ICA1: variants seen among roughly 807,000 people sequenced by gnomAD.
ICA1 encodes the protein islet cell autoantigen 1.
Under a neutral mutation model 71.0 loss-of-function variants are expected in ICA1, and 40 were observed. That is an observed-to-expected ratio of 0.56 (90% CI 0.44 to 0.73). The LOEUF is 0.73. Among genes scored for constraint, ICA1 ranks in the 30% least tolerant of loss-of-function variants. The pLI is 0.00. For missense variants in ICA1, 578 were observed against 576.5 expected, an observed-to-expected ratio of 1.00 and a Z score of -0.03; for synonymous variants, 207 against 209.5, an observed-to-expected ratio of 0.99 and a Z score of 0.10.
chr7:8,193,669 A>G (rs1341204416), intron 6 of ICA1, among the ~76,000 whole-genome samples: 1 of 152,216 alleles, frequency 6.6e-6, no homozygotes, highest in East Asian at 1.9e-4. Context: ...ATTGCGTGAT[A>G]TCATACCGAA....
intron 1 of ICA1, among the ~76,000 whole-genome samples, chr7:8,246,903 C>T (rs767524195): frequency 6.6e-6 from 1 of 152,134 alleles, no homozygotes; most frequent in African/African-American, 2.4e-5. Context: ...TGTGCCACAA[C>T]GCCTGGCTAA....
At chr7:8,229,157 T>C (rs1364884586) in intron 3 of ICA1, among the ~76,000 whole-genome samples, 1 of 152,170 alleles carries the variant, frequency 6.6e-6, no homozygotes, top group African/African-American at 2.4e-5. Flanking sequence ...AACAACTGGA[T>C]AAAGCAAACA....
rs148799961 is a variant in ICA1 at position 8,187,202 on chromosome 7, CT to C, written c.580-28551del. On this transcript the variant is annotated intron_variant, in intron 6 of 13. Coordinates refer to ENST00000402384, the MANE Select transcript of ICA1 (RefSeq NM_001136020.3). ...ATATAGCACCTATTACACACCTATA[CT>C]TTTTTACAAAGTATATATTATATTA... Among the ~76,000 whole-genome samples, 930 of 152,258 alleles carry C rather than the reference CT, an allele frequency of 6.1e-3. 8 individuals carry two copies. Among genetic ancestry groups the C allele is most frequent in the African/African-American group, 0.022 (905 of 41,536 alleles).
chr7:8,257,756 A>T lies in ICA1; in HGVS notation c.-80+4338T>A, dbSNP rs139800492. Among the ~76,000 whole-genome samples, 107 of 152,242 alleles carry T rather than the reference A, an allele frequency of 7.0e-4. 2 individuals are homozygous for T. In the East Asian group the frequency reaches 0.019, roughly 27 times the overall value. Reference sequence around the variant, plus strand: ...TACTAATACCTCCACCACCTCCACAACCATGCAACGAATATTTAGAATCAG... The same window carrying T: ...TACTAATACCTCCACCACCTCCACATCCATGCAACGAATATTTAGAATCAG... On this transcript the variant is annotated intron_variant, in intron 1 of 13. Coordinates refer to ENST00000402384, the MANE Select transcript of ICA1 (RefSeq NM_001136020.3).
At chr7:8,181,852 G>A (rs1029145628) in intron 6 of ICA1, among the ~76,000 whole-genome samples, 1 of 152,134 alleles carries the variant, frequency 6.6e-6, no homozygotes, top group African/African-American at 2.4e-5. Flanking sequence ...CATAAATATA[G>A]TTAAAACTAT....
chr7:8,214,384 T>A (rs1459550833), intron 6 of ICA1, among the ~76,000 whole-genome samples: 1 of 152,228 alleles, frequency 6.6e-6, no homozygotes, highest in Non-Finnish European at 1.5e-5. Context: ...ATATCACACG[T>A]TGTAACTTTG....
intron 6 of ICA1, among the ~76,000 whole-genome samples, chr7:8,194,178 T>C (rs1277519019): frequency 1.3e-5 from 2 of 152,206 alleles, no homozygotes; most frequent in East Asian, 1.9e-4. Flanking sequence ...GAATCCTGTC[T>C]GTTATACACA....
At chr7:8,169,762 T>C (rs1308676373) in intron 6 of ICA1, among the ~76,000 whole-genome samples, 1 of 152,112 alleles carries the variant, frequency 6.6e-6, no homozygotes, top group Non-Finnish European at 1.5e-5. Flanking sequence ...CAGACTAAAT[T>C]TGAAAACATT....
chr7:8,178,519 T>C (rs1584944358), intron 6 of ICA1, among the ~76,000 whole-genome samples: 1 of 151,932 alleles, frequency 6.6e-6, no homozygotes, highest in African/African-American at 2.4e-5. Flanking sequence ...GTGCTTTGGG[T>C]CTGTAGCTTC....
upstream of ICA1, chr7:8,262,538 G>C (rs1408598177): frequency 6.6e-6 from 1 of 152,242 alleles, no homozygotes; most frequent in African/African-American, 2.4e-5. Context: ...TCCCCCGCTC[G>C]GATCCGCCGC....
At chr7:8,208,388 T>C (rs1289993009) in intron 6 of ICA1, among the ~76,000 whole-genome samples, 1 of 146,342 alleles carries the variant, frequency 6.8e-6, no homozygotes, top group East Asian at 2.0e-4. Context: ...ATTTTGTATA[T>C]GTAAGTAAAT....
intron 12 of ICA1, among the ~76,000 whole-genome samples, chr7:8,131,615 C>G (rs1169092489): frequency 6.6e-6 from 1 of 152,196 alleles, no homozygotes; most frequent in Non-Finnish European, 1.5e-5. Context: ...ATGAAACTGG[C>G]ACTGACTTGA....
In ICA1 at chr7:8,165,585, T is replaced by C. The variant is rs1004858138; in HGVS notation, c.580-6933A>G. On this transcript the variant is annotated intron_variant, in intron 6 of 13. Transcript: ENST00000402384. ...AATAGGAAGAGAGGAAGTCAAGCTA[T>C]CCCTGTTTGCAGATAATAATACTCT... Among the ~76,000 whole-genome samples the C allele has an allele frequency of 2.6e-5, 4 of 152,180 alleles. No individual in the cohort carries two copies. The South Asian group carries it at 8.3e-4, about 32-fold the overall frequency.
chr7:8,156,964 A>G, intron 8 of ICA1, 152 bp downstream of exon 8: 1 of 1,529,798 alleles, frequency 6.5e-7, no homozygotes, highest in Non-Finnish European at 8.8e-7. Context: ...AGAAAGAAAG[A>G]AAGAAAGAAA....
At chr7:8,193,492 C>T (rs777390032) in intron 6 of ICA1, among the ~76,000 whole-genome samples, 2 of 152,108 alleles carry the variant, frequency 1.3e-5, no homozygotes, top group Non-Finnish European at 2.9e-5. Context: ...CAAAAAGAGA[C>T]GACGTCTGCT....
At chr7:8,221,454 G>A (rs1797042335) in intron 4 of ICA1, 56 bp from the exon 5 acceptor site, 4 of 1,593,866 alleles carry the variant, frequency 2.5e-6, no homozygotes, top group Non-Finnish European at 3.4e-6. Flanking sequence ...GATTGCAAAG[G>A]GAACAAGAAA....
intron 6 of ICA1, among the ~76,000 whole-genome samples, chr7:8,212,893 A>T (rs2128389373): frequency 6.6e-6 from 1 of 152,340 alleles, no homozygotes; most frequent in South Asian, 2.1e-4. Context: ...AAAATCAATA[A>T]AGATGAGGCT....
chr7:8,254,091 A>G (rs904563404), intron 1 of ICA1, among the ~76,000 whole-genome samples: 2 of 152,206 alleles, frequency 1.3e-5, no homozygotes, highest in Non-Finnish European at 2.9e-5. Context: ...GAATTTACAC[A>G]TCATTTAGTC....
At chr7:8,178,226 C>T (rs1048598608) in intron 6 of ICA1, among the ~76,000 whole-genome samples, 1 of 152,326 alleles carries the variant, frequency 6.6e-6, no homozygotes, top group East Asian at 1.9e-4. Flanking sequence ...CAAAATTCAG[C>T]TTGTGCCATA....
Sources: allele counts gnomAD v4.1 joint callset (sites outside exome capture counted in the v4.1 genomes callset), GRCh38; gene constraint gnomAD v4.1.1; transcripts MANE v1.5; gene names NCBI Gene and HGNC (gene_info 2026-07-23, HGNC 2026-07-21).